LRRC4C: variants seen among roughly 807,000 people sequenced by gnomAD.
LRRC4C encodes the protein leucine-rich repeat-containing protein 4C.
Under a neutral mutation model 33.6 loss-of-function variants are expected in LRRC4C, and 5 were observed. That is an observed-to-expected ratio of 0.15 (90% confidence interval 0.08 to 0.31). LRRC4C has a LOEUF of 0.31. Ranked by LOEUF, LRRC4C falls within the 10% of genes least tolerant of loss-of-function variation. The pLI is 1.00. For missense variants in LRRC4C, 560 were observed against 796.7 expected, an observed-to-expected ratio of 0.70 and a Z score of 3.58; for synonymous variants, 329 against 302.0, an observed-to-expected ratio of 1.09 and a Z score of -0.93.
intron 1 of LRRC4C, among the ~76,000 whole-genome samples, chr11:41,193,544 G>T (rs1946054474): frequency 6.6e-6 from 1 of 152,136 alleles, no homozygotes; most frequent in African/African-American, 2.4e-5. Flanking sequence ...ACTGTCTCCA[G>T]ATGTTGTATG....
chr11:41,274,499 A>T (rs937338680), intron 1 of LRRC4C, among the ~76,000 whole-genome samples: 1 of 152,140 alleles, frequency 6.6e-6, no homozygotes, highest in East Asian at 1.9e-4. Context: ...AAGTGAAGCC[A>T]GCTGGACTTC....
At chr11:40,312,245 A>G (rs1945351732) in intron 4 of LRRC4C, among the ~76,000 whole-genome samples, 1 of 152,204 alleles carries the variant, frequency 6.6e-6, no homozygotes, top group South Asian at 2.1e-4. Flanking sequence ...TTAATCGATA[A>G]CAGTAACCAT....
At chr11:41,390,983 T>TAAAAAA (rs35303507) in intron 1 of LRRC4C, among the ~76,000 whole-genome samples, 1 of 139,826 alleles carries the variant, frequency 7.2e-6, no homozygotes. Flanking sequence ...TTGCTTTAAT[T>TAAAAAA]AAAAAAAAAA....
intron 3 of LRRC4C, among the ~76,000 whole-genome samples, chr11:40,576,285 G>T (rs1434201525): frequency 1.3e-5 from 2 of 152,194 alleles, no homozygotes; most frequent in African/African-American, 4.8e-5. Flanking sequence ...CTAAATTGTG[G>T]AACTAAGCTG....
At position 41,107,986 on chromosome 11, in the gene LRRC4C, AGGGG is replaced by A. The variant is rs1941612009; in HGVS notation, c.-495-174267_-495-174264del. Among the ~76,000 whole-genome samples the A allele has an allele frequency of 1.1e-4, 17 of 150,834 alleles. No homozygotes were observed. The Admixed American group carries it at 1.1e-3, about 10-fold the overall frequency. On this transcript the variant is annotated intron_variant, in intron 1 of 6. Transcript: ENST00000528697. The stretch of plus-strand genomic sequence containing the variant: ...GGAGAGGGGAGAGGGGAGAGGGGAG[AGGGG>A]AGAGGGGAGAGTAGAGAGGAGAGAG...
At chr11:41,133,741 C>T in intron 1 of LRRC4C, among the ~76,000 whole-genome samples, 1 of 152,116 alleles carries the variant, frequency 6.6e-6, no homozygotes, top group East Asian at 1.9e-4. Context: ...AGAATTAGGT[C>T]ACCCTTGCCC....
chr11:40,413,877 T>C (rs1950234829), intron 3 of LRRC4C, among the ~76,000 whole-genome samples: 1 of 152,096 alleles, frequency 6.6e-6, no homozygotes, highest in Non-Finnish European at 1.5e-5. Context: ...GTAAATCATA[T>C]CAGTGGCAGA....
At chr11:40,498,386 C>T (rs182309935) in intron 3 of LRRC4C, among the ~76,000 whole-genome samples, 28 of 152,204 alleles carry the variant, frequency 1.8e-4, no homozygotes, top group Admixed American at 5.2e-4. Flanking sequence ...CCACTGATGC[C>T]GCAAATAGTT....
At chr11:40,755,438 G>T (rs1437211695) in intron 2 of LRRC4C, among the ~76,000 whole-genome samples, 1 of 152,096 alleles carries the variant, frequency 6.6e-6, no homozygotes, top group Non-Finnish European at 1.5e-5. Context: ...ACACTGGGAA[G>T]TCTAGTGCTA....
intron 2 of LRRC4C, among the ~76,000 whole-genome samples, chr11:40,903,356 T>G (rs748971384): frequency 2.8e-4 from 43 of 152,306 alleles, no homozygotes; most frequent in Admixed American, 6.5e-4. Context: ...ATGCTCCTAT[T>G]CACCCAGCAG....
chr11:41,212,626 C>T (rs1353293590), intron 1 of LRRC4C, among the ~76,000 whole-genome samples: 1 of 152,108 alleles, frequency 6.6e-6, no homozygotes, highest in African/African-American at 2.4e-5. Flanking sequence ...TGTGTTCTCA[C>T]CATTCAGCTC....
intron 3 of LRRC4C, among the ~76,000 whole-genome samples, chr11:40,337,209 G>T (rs773443215): frequency 6.6e-6 from 1 of 152,122 alleles, no homozygotes; most frequent in African/African-American, 2.4e-5. Flanking sequence ...GAGAAAATCA[G>T]CATGGGTTGG....
intron 1 of LRRC4C, among the ~76,000 whole-genome samples, chr11:41,133,923 T>C (rs1006857846): frequency 4.6e-5 from 7 of 152,128 alleles, no homozygotes; most frequent in Admixed American, 3.3e-4. Context: ...AAACTATGTA[T>C]ACCTTCCAAG....
intron 2 of LRRC4C, among the ~76,000 whole-genome samples, chr11:40,736,371 C>T (rs2136851352): frequency 6.6e-6 from 1 of 152,248 alleles, no homozygotes; most frequent in Admixed American, 6.5e-5. Flanking sequence ...GCATAGTATT[C>T]CATGGTGTGT....
intron 1 of LRRC4C, among the ~76,000 whole-genome samples, chr11:40,957,720 T>C (rs1472901081): frequency 6.6e-6 from 1 of 151,720 alleles, no homozygotes; most frequent in Non-Finnish European, 1.5e-5. Flanking sequence ...TCTTTAAACC[T>C]AGTTGAGAAG....
In LRRC4C at chr11:40,114,636, G is replaced by C. The variant is rs1163649861; in HGVS notation, c.1657C>G (p.Gln553Glu). Residue 553 changes from glutamine to glutamate, a missense_variant, in exon 7 of 7, where the codon CAG (glutamine) becomes GAG (glutamate). Transcript: ENST00000528697. ...GCGTGATGGTTTTGCCGATGGTGCT[G>C]CTTCCTCATCTTGTAGAAAATGACC... ...MLVIFYKMRKQHHRQNHHAPT... is the reference protein window; with the variant it reads ...MLVIFYKMRKEHHRQNHHAPT... 2 of 1,614,134 alleles carry C rather than the reference G, an allele frequency of 1.2e-6. No individual in the cohort carries two copies.
At chr11:40,371,455 G>A (rs143767412) in intron 3 of LRRC4C, among the ~76,000 whole-genome samples, 20 of 152,262 alleles carry the variant, frequency 1.3e-4, no homozygotes, top group African/African-American at 4.6e-4. Context: ...ACATATTAAT[G>A]ATTAATTACT....
chr11:41,194,442 G>T (rs955049010), intron 1 of LRRC4C, among the ~76,000 whole-genome samples: 11 of 151,954 alleles, frequency 7.2e-5, no homozygotes, highest in Non-Finnish European at 1.2e-4. Flanking sequence ...CCTATGACTC[G>T]ATTCTAACCC....
chr11:40,610,963 G>T (rs190422999), intron 3 of LRRC4C, among the ~76,000 whole-genome samples: 2 of 151,930 alleles, frequency 1.3e-5, no homozygotes, highest in Admixed American at 1.3e-4. Flanking sequence ...GATATCTACA[G>T]ATTCAATGCA....
Sources: gnomAD v4.1 joint callset for allele counts (sites outside exome capture counted in the v4.1 genomes callset) on GRCh38, gnomAD v4.1.1 for gene constraint, MANE v1.5 for transcripts, NCBI Gene and HGNC (gene_info 2026-07-23, HGNC 2026-07-21) for gene names.